Variants in SPOCK1 observed in about 807,000 individuals in gnomAD.
The protein encoded by SPOCK1 is SPARC (osteonectin), cwcv and kazal like domains proteoglycan 1.
In SPOCK1, 23 loss-of-function variants were observed where a neutral mutation model predicts 55.3. The ratio of observed to expected loss-of-function variants is 0.42; its 90% confidence interval spans 0.30 to 0.59. The LOEUF is 0.59. Ranked by LOEUF, SPOCK1 falls within the 20% of genes least tolerant of loss-of-function variation. The probability of loss-of-function intolerance (pLI) is 0.22; values close to 1 mark genes in which losing one functional copy is unlikely to be tolerated. For synonymous variants in SPOCK1, 226 were observed against 221.0 expected (o/e 1.02, Z -0.20); for missense variants, 499 against 552.5 (o/e 0.90, Z 0.97).
intron 5 of SPOCK1, among the ~76,000 whole-genome samples, chr5:137,107,611 G>T (rs1192033617): frequency 2.0e-5 from 3 of 152,192 alleles, no homozygotes; most frequent in African/African-American, 4.8e-5. Flanking sequence ...GATCCTGGGG[G>T]AGTCACACAG....
intron 3 of SPOCK1, among the ~76,000 whole-genome samples, chr5:137,256,320 C>A (rs534232424): frequency 1.3e-5 from 2 of 152,276 alleles, no homozygotes; most frequent in East Asian, 3.9e-4. Flanking sequence ...TTGTACTGGT[C>A]CACTGTGTGC....
intron 3 of SPOCK1, among the ~76,000 whole-genome samples, chr5:137,231,416 C>A (rs780656521): frequency 2.6e-5 from 4 of 152,154 alleles, no homozygotes; most frequent in Non-Finnish European, 5.9e-5. Flanking sequence ...CTATCCCTAA[C>A]CCCTGGCAAC....
At chr5:137,402,591 G>C (rs1752005514) in intron 2 of SPOCK1, among the ~76,000 whole-genome samples, 1 of 152,130 alleles carries the variant, frequency 6.6e-6, no homozygotes, top group African/African-American at 2.4e-5. Context: ...TGTGAATGCT[G>C]GGGTTGCAAA....
rs755369822 is a variant in SPOCK1 at position 136,988,537 on chromosome 5, G to A, written c.813C>T (p.Ala271=). The change falls in exon 8 of 11, where the codon GCC becomes GCT. Residue 271 remains alanine, a synonymous_variant. Coordinates refer to ENST00000394945, the MANE Select transcript of SPOCK1 (RefSeq NM_004598.4). ...DLLLDPSEIN[A]IYLDKYEPCI... ...AGGGCTCGTACTTATCCAGGTAGAT[G>A]GCATTGATCTCTGAAGGGTCAAGCA... 5 of 1,614,020 alleles carry A rather than the reference G, an allele frequency of 3.1e-6. No homozygotes were observed. The highest frequency in any genetic ancestry group is 2.7e-5 in the African/African-American group (2 of 74,922).
At chr5:137,160,647 T>TATATTA (rs1561631913) in intron 3 of SPOCK1, among the ~76,000 whole-genome samples, 1 of 82,618 alleles carries the variant, frequency 1.2e-5, no homozygotes, top group African/African-American at 5.1e-5. Flanking sequence ...AATATATATT[T>TATATTA]TATATAATAT....
chr5:136,991,378 C>G (rs556077401), intron 7 of SPOCK1, among the ~76,000 whole-genome samples: 1 of 151,852 alleles, frequency 6.6e-6, no homozygotes, highest in East Asian at 1.9e-4. Context: ...AAATAATTGT[C>G]CCCTGGATTG....
chr5:137,219,540 T>A (rs1429428213), intron 3 of SPOCK1, among the ~76,000 whole-genome samples: 4 of 152,206 alleles, frequency 2.6e-5, no homozygotes, highest in Non-Finnish European at 4.4e-5. Flanking sequence ...CAATTAAGAA[T>A]CATGCCTTTT....
At chr5:137,405,579 A>G (rs1752081066) in intron 2 of SPOCK1, among the ~76,000 whole-genome samples, 1 of 152,212 alleles carries the variant, frequency 6.6e-6, no homozygotes, top group African/African-American at 2.4e-5. Flanking sequence ...CTACTGGGCC[A>G]TAGAGGGCTC....
At chr5:137,478,663 T>TAAA (rs1753884883) in intron 2 of SPOCK1, among the ~76,000 whole-genome samples, 2 of 152,028 alleles carry the variant, frequency 1.3e-5, no homozygotes, top group Non-Finnish European at 2.9e-5. Context: ...TTAAAATTGG[T>TAAA]ATATATTAGT....
intron 2 of SPOCK1, among the ~76,000 whole-genome samples, chr5:137,280,066 A>T (rs529688849): frequency 1.3e-5 from 2 of 152,288 alleles, no homozygotes; most frequent in Non-Finnish European, 2.9e-5. Flanking sequence ...ATCATGATTC[A>T]TGGCCTCTGG....
chr5:137,468,618 T>G (rs1039451028), intron 2 of SPOCK1, among the ~76,000 whole-genome samples: 1 of 152,190 alleles, frequency 6.6e-6, no homozygotes, highest in Non-Finnish European at 1.5e-5. Flanking sequence ...CCAAGTACAC[T>G]GTCAGTAGCC....
rs1344345119 is a variant in SPOCK1, at chr5:137,113,914, A to T, written c.348-1353T>A. Among the ~76,000 whole-genome samples the T allele has an allele frequency of 2.6e-5, 4 of 152,336 alleles. No individual in the cohort carries two copies. The East Asian group carries it at 7.7e-4, about 29-fold the overall frequency. On this transcript the variant is annotated intron_variant, in intron 4 of 10. Coordinates refer to ENST00000394945, the MANE Select transcript of SPOCK1 (RefSeq NM_004598.4). Reference sequence around the variant, plus strand: ...CCTCAGGAATTCAGGTTTGGTATCTAGGGTAACCTACCCTCTTCCAAATGA... The same window carrying T: ...CCTCAGGAATTCAGGTTTGGTATCTTGGGTAACCTACCCTCTTCCAAATGA...
intron 2 of SPOCK1, among the ~76,000 whole-genome samples, chr5:137,396,977 T>C (rs1196471046): frequency 6.6e-6 from 1 of 152,158 alleles, no homozygotes; most frequent in Non-Finnish European, 1.5e-5. Context: ...TTTGCAACCA[T>C]CAACACCTGT....
chr5:137,033,073 C>T (rs1241039621), intron 6 of SPOCK1, among the ~76,000 whole-genome samples: 2 of 152,188 alleles, frequency 1.3e-5, no homozygotes, highest in Non-Finnish European at 2.9e-5. Context: ...GGCAGGGCTG[C>T]TTCAGGGTCA....
intron 3 of SPOCK1, among the ~76,000 whole-genome samples, chr5:137,233,154 G>A (rs781735729): frequency 6.6e-6 from 1 of 152,180 alleles, no homozygotes; most frequent in Non-Finnish European, 1.5e-5. Context: ...CAGGGGAGGG[G>A]CAGGCAGGGA....
At chr5:137,422,194 C>A (rs1170807908) in intron 2 of SPOCK1, among the ~76,000 whole-genome samples, 1 of 151,902 alleles carries the variant, frequency 6.6e-6, no homozygotes, top group Non-Finnish European at 1.5e-5. Flanking sequence ...GTAACCCAAC[C>A]TTTGTCTCTG....
chr5:137,229,279 A>C (rs935386186), intron 3 of SPOCK1, among the ~76,000 whole-genome samples: 20 of 152,214 alleles, frequency 1.3e-4, no homozygotes, highest in Admixed American at 8.5e-4. Context: ...GAATTGGGAC[A>C]TGTGAATGCA....
At chr5:137,454,211 C>T (rs1222625562) in intron 2 of SPOCK1, among the ~76,000 whole-genome samples, 1 of 152,042 alleles carries the variant, frequency 6.6e-6, no homozygotes, top group East Asian at 1.9e-4. Context: ...ACTAGCAAAA[C>T]CTGGGCCTAG....
At chr5:137,315,155 G>C (rs74868737) in intron 2 of SPOCK1, among the ~76,000 whole-genome samples, 144 of 152,300 alleles carry the variant, frequency 9.5e-4, no homozygotes, top group African/African-American at 3.1e-3. Flanking sequence ...TCAAGGAATA[G>C]TTTCACTGTC....
Sources: gnomAD v4.1 joint callset for allele counts (sites outside exome capture counted in the v4.1 genomes callset) on GRCh38, gnomAD v4.1.1 for gene constraint, MANE v1.5 for transcripts, NCBI Gene and HGNC (gene_info 2026-07-23, HGNC 2026-07-21) for gene names.